DSCAM: variants seen among roughly 807,000 people sequenced by gnomAD.
DSCAM encodes the protein cell adhesion molecule DSCAM.
In DSCAM, 47 loss-of-function variants were observed where a neutral mutation model predicts 217.7. The observed-to-expected ratio is 0.22, with a 90% CI of 0.17 to 0.28. The LOEUF is 0.28. DSCAM is among the 10% of genes least tolerant of loss of function. DSCAM has a pLI of 1.00. For synonymous variants in DSCAM, 1,056 were observed against 1,015.3 expected, an observed-to-expected ratio of 1.04 and a Z score of -0.76; for missense variants, 2,080 against 2,618.3, an observed-to-expected ratio of 0.79 and a Z score of 4.49.
intron 11 of DSCAM, among the ~76,000 whole-genome samples, chr21:40,243,194 G>A (rs944027008): frequency 2.0e-5 from 3 of 152,066 alleles, no homozygotes; most frequent in Non-Finnish European, 4.4e-5. Flanking sequence ...AGGTCTCCCT[G>A]CAATACTCCT....
At chr21:40,208,833 T>A (rs1293513428) in intron 11 of DSCAM, among the ~76,000 whole-genome samples, 1 of 152,090 alleles carries the variant, frequency 6.6e-6, no homozygotes, top group African/African-American at 2.4e-5. Flanking sequence ...CTCTTAACCT[T>A]TCATTTAAAA....
intron 3 of DSCAM, among the ~76,000 whole-genome samples, chr21:40,377,850 C>T (rs2074978886): frequency 6.6e-6 from 1 of 152,086 alleles, no homozygotes; most frequent in Non-Finnish European, 1.5e-5. Flanking sequence ...GCCTCAGCTC[C>T]CTGCCTTCCT....
At chr21:40,251,550 T>G (rs1601485810) in intron 11 of DSCAM, among the ~76,000 whole-genome samples, 1 of 152,096 alleles carries the variant, frequency 6.6e-6, no homozygotes, top group South Asian at 2.1e-4. Flanking sequence ...AGTTTGGAAG[T>G]GGGAACTAGG....
intron 1 of DSCAM, among the ~76,000 whole-genome samples, chr21:40,832,362 G>C (rs2092018508): frequency 6.6e-6 from 1 of 152,118 alleles, no homozygotes; most frequent in Non-Finnish European, 1.5e-5. Context: ...ATACATACGA[G>C]TTTCCTTTTA....
intron 20 of DSCAM, among the ~76,000 whole-genome samples, chr21:40,123,219 G>A (rs1003168940): frequency 6.6e-6 from 1 of 152,120 alleles, no homozygotes; most frequent in African/African-American, 2.4e-5. Flanking sequence ...TGGTGGTGAT[G>A]GCTTCACAAC....
intron 1 of DSCAM, among the ~76,000 whole-genome samples, chr21:40,717,258 G>A (rs2090851989): frequency 6.6e-6 from 1 of 152,222 alleles, no homozygotes; most frequent in Non-Finnish European, 1.5e-5. Flanking sequence ...TGATTATAAA[G>A]TCAAGATTGT....
At chr21:40,648,250 T>TACACACAC (rs10639388) in intron 3 of DSCAM, among the ~76,000 whole-genome samples, 3,557 of 145,732 alleles carry the variant, frequency 0.024, 52 homozygotes, top group Middle Eastern at 0.032. Flanking sequence ...CATATCCCTG[T>TACACACAC]ACACACACAC....
At chr21:40,372,935 G>A (rs2074913077) in intron 3 of DSCAM, among the ~76,000 whole-genome samples, 1 of 152,154 alleles carries the variant, frequency 6.6e-6, no homozygotes, top group African/African-American at 2.4e-5. Flanking sequence ...GATTAGCATA[G>A]GGGCCAGTGG....
In DSCAM at chr21:40,189,119, G is replaced by T. The variant is rs762902524; in HGVS notation, c.2476C>A (p.Arg826=). 2 of 1,614,020 alleles carry T rather than the reference G, an allele frequency of 1.2e-6. No individual in the cohort carries two copies. Among genetic ancestry groups the T allele is most frequent in the South Asian group, 2.2e-5 (2 of 91,054 alleles). ...PIIVRWEKED[R]IINPEMARYL... ...CGGGCCATCTCAGGGTTAATGATTC[G>T]GTCCTCCTTCTCCCAGCGGACTATA... Residue 826 remains arginine, a synonymous_variant, in exon 12 of 33, where the codon CGA becomes AGA. Coordinates refer to ENST00000400454, the MANE Select transcript of DSCAM (RefSeq NM_001389.5).
At chr21:40,320,650 A>C (rs1239163905) in intron 8 of DSCAM, among the ~76,000 whole-genome samples, 2 of 152,230 alleles carry the variant, frequency 1.3e-5, no homozygotes, top group Non-Finnish European at 2.9e-5. Flanking sequence ...GGCAGAAAGC[A>C]AGGAGAAGCA....
At chr21:40,476,366 C>A (rs2075935855) in intron 3 of DSCAM, among the ~76,000 whole-genome samples, 1 of 152,140 alleles carries the variant, frequency 6.6e-6, no homozygotes, top group African/African-American at 2.4e-5. Context: ...CTAATATAAC[C>A]CATTGAGTTG....
At chr21:40,349,942 G>T (rs1240198666) in intron 5 of DSCAM, among the ~76,000 whole-genome samples, 1 of 152,144 alleles carries the variant, frequency 6.6e-6, no homozygotes, top group Admixed American at 6.5e-5. Flanking sequence ...AGAAGCAAAT[G>T]GAGGCCAGAA....
At chr21:40,527,411 C>T (rs2076408992) in intron 3 of DSCAM, among the ~76,000 whole-genome samples, 1 of 152,202 alleles carries the variant, frequency 6.6e-6, no homozygotes. Flanking sequence ...AGCTTCTGCA[C>T]ACTCTCTCTC....
rs1015809332 is a variant in DSCAM, at chr21:40,665,035, G to A, written c.508+27775C>T. Among the ~76,000 whole-genome samples, 9 of 152,190 alleles carry A rather than the reference G, an allele frequency of 5.9e-5. 1 individual carries two copies. The South Asian group carries it at 6.2e-4, about 11-fold the overall frequency. ...TGTGCGTGCTCCTGCTTCACCTTCT[G>A]CCATGATTGCAAGCTTCCTGAGACC... On this transcript the variant is annotated intron_variant, in intron 3 of 32. Transcript: ENST00000400454.
At chr21:40,580,300 A>AGGT (rs2076894235) in intron 3 of DSCAM, among the ~76,000 whole-genome samples, 2 of 152,010 alleles carry the variant, frequency 1.3e-5, no homozygotes, top group Non-Finnish European at 1.5e-5. Flanking sequence ...TGGGAGGCCG[A>AGGT]GGTGGGTGGA....
chr21:40,013,334 T>A lies in DSCAM; in HGVS notation c.5739A>T (p.Arg1913=). The A allele has an allele frequency of 6.2e-7, 1 of 1,604,660 alleles. No homozygotes were observed. The highest frequency in any genetic ancestry group is 8.5e-7 in the Non-Finnish European group (1 of 1,176,248). The change falls in exon 33 of 33, where the codon CGA becomes CGT. Residue 1913 remains arginine, a synonymous_variant. Coordinates refer to ENST00000400454, the MANE Select transcript of DSCAM (RefSeq NM_001389.5). The part of the protein sequence containing the change: ...PYLRMDFLLN[R]GGPGTSRDLS... The stretch of plus-strand genomic sequence containing the variant: ...GGTCCCTGCTGGTGCCTGGACCACC[T>A]CGGTTTAACAAAAAGTCCATTCTAA...
At chr21:40,097,954 A>AAAAG (rs61675667) in intron 20 of DSCAM, among the ~76,000 whole-genome samples, 5,477 of 51,348 alleles carry the variant, frequency 0.11, 516 homozygotes, top group Non-Finnish European at 0.14. Flanking sequence ...AAAAAAAAAA[A>AAAAG]AAAGAAAGAA....
At position 40,846,844 on chromosome 21, in the gene DSCAM, G is replaced by A; in HGVS notation, c.-183C>T. ...CGGCGCGGCCGGGCTCCGGAGCGAG[G>A]GCTGCGCTCGCCGCGCGCTGCGCTC... is the stretch of plus-strand genomic sequence containing the variant. On this transcript the variant is annotated 5_prime_UTR_variant, in exon 1 of 33. Transcript: ENST00000400454. 6.6e-6 allele frequency: 1 copy of A among 151,404 alleles called. No individual in the cohort carries two copies. Among genetic ancestry groups the A allele is most frequent in the African/African-American group, 2.4e-5 (1 of 41,164 alleles). 9.4% of individuals were successfully genotyped at this position (151,404 alleles called of 1,614,324 possible).
intron 3 of DSCAM, among the ~76,000 whole-genome samples, chr21:40,560,602 G>C (rs2076712949): frequency 6.6e-6 from 1 of 152,164 alleles, no homozygotes; most frequent in South Asian, 2.1e-4. Context: ...AAGTCAAAAG[G>C]CATTTAATAC....
Sources: allele counts gnomAD v4.1 joint callset (sites outside exome capture counted in the v4.1 genomes callset), GRCh38; gene constraint gnomAD v4.1.1; transcripts MANE v1.5; gene names NCBI Gene and HGNC (gene_info 2026-07-23, HGNC 2026-07-21).